The following FRAS1 variants were observed in gnomAD, a reference collection of about 807,000 sequenced individuals.
FRAS1 encodes the protein Fraser extracellular matrix complex subunit 1, also known as extracellular matrix organizing protein FRAS1.
FRAS1 carries 290 observed loss-of-function variants against 435.2 expected under a neutral mutation model. That is an observed-to-expected ratio of 0.67 (90% CI 0.61 to 0.73). The LOEUF is 0.73. Among genes scored for constraint, FRAS1 ranks in the 30% least tolerant of loss-of-function variants. The pLI, the probability that FRAS1 is intolerant of heterozygous loss-of-function variation, is 0.00. For synonymous variants in FRAS1, 1,800 were observed against 1,851.0 expected (o/e 0.97, Z 0.71); for missense variants, 4,860 against 5,001.5 (o/e 0.97, Z 0.85).
chr4:78,263,248 C>A (rs949522127), intron 6 of FRAS1, among the ~76,000 whole-genome samples: 1 of 152,204 alleles, frequency 6.6e-6, no homozygotes, highest in Admixed American at 6.5e-5. Context: ...AGCTCTCAAT[C>A]GTGTAGTTCT....
chr4:78,274,766 G>A (rs1419579192), intron 9 of FRAS1, among the ~76,000 whole-genome samples: 5 of 152,176 alleles, frequency 3.3e-5, no homozygotes, highest in Non-Finnish European at 5.9e-5. Flanking sequence ...GGTGTGGTGT[G>A]GTGCTGAAAA....
rs116398924 is a variant in FRAS1 at position 78,421,842 on chromosome 4, G to A, written c.4541-21G>A. ...TGATGAGAATTACTGTTGATGCTGA[G>A]GCCAAATCTCTTCCTCCCAGGTATC... On this transcript the variant is annotated intron_variant, in intron 33 of 73. Coordinates refer to ENST00000512123, the MANE Select transcript of FRAS1 (RefSeq NM_025074.7). 1,905 of 1,613,450 alleles carry A rather than the reference G, an allele frequency of 1.2e-3. 16 individuals carry two copies. In the African/African-American group the frequency reaches 0.022, roughly 18 times the overall value.
At chr4:78,172,053 G>T (rs1209574671) in intron 2 of FRAS1, among the ~76,000 whole-genome samples, 2 of 151,994 alleles carry the variant, frequency 1.3e-5, no homozygotes, top group African/African-American at 4.8e-5. Context: ...CTTGACTTCT[G>T]ACCTCTCATT....
At chr4:78,123,089 CTAGGAT>C (rs1345716977) in intron 2 of FRAS1, among the ~76,000 whole-genome samples, 1 of 152,140 alleles carries the variant, frequency 6.6e-6, no homozygotes, top group East Asian at 1.9e-4. Flanking sequence ...AGGTTTTCTT[CTAGGAT>C]TTTTATGGTC....
chr4:78,317,480 T>C lies in FRAS1; in HGVS notation c.1932T>C (p.Gly644=), dbSNP rs2110235336. 6.2e-7 allele frequency: 1 copy of C among 1,613,744 alleles called. No individual in the cohort carries two copies. The change falls in exon 17 of 74, where the codon GGT becomes GGC. Residue 644 remains glycine, a synonymous_variant. Coordinates refer to ENST00000512123, the MANE Select transcript of FRAS1 (RefSeq NM_025074.7). Reference sequence around the variant, plus strand: ...ACTGTCTGCCCCGCTGTGGAGAGGGTTTCTACTCTGACCATGGAGTCTGCA... The same window carrying C: ...ACTGTCTGCCCCGCTGTGGAGAGGGCTTCTACTCTGACCATGGAGTCTGCA... ...QGHCLPRCGE[G]FYSDHGVCKA...
At chr4:78,446,057 G>A in intron 42 of FRAS1, 1 of 1,163,894 alleles carries the variant, frequency 8.6e-7, no homozygotes, top group Non-Finnish European at 1.1e-6. Flanking sequence ...ATGCATATTT[G>A]CCTTTTCTTA....
At chr4:78,061,199 A>T (rs1043787663) in intron 1 of FRAS1, among the ~76,000 whole-genome samples, 1 of 152,186 alleles carries the variant, frequency 6.6e-6, no homozygotes, top group Non-Finnish European at 1.5e-5. Flanking sequence ...TTACAAGCAA[A>T]TTATTGGCAG....
intron 40 of FRAS1, 23 bp downstream of exon 40, chr4:78,439,087 A>T (rs1734552191): frequency 6.3e-7 from 1 of 1,593,928 alleles, no homozygotes; most frequent in African/African-American, 1.3e-5. Flanking sequence ...CAGATCAATA[A>T]ACAGTGAGTA....
In FRAS1 at chr4:78,511,490, A is replaced by G. The variant is rs760908091; in HGVS notation, c.9997A>G (p.Lys3333Glu). The change falls in exon 64 of 74, where the codon AAG (lysine) becomes GAG (glutamate). Residue 3333 changes from lysine (K) to glutamate (E), a missense_variant. Physicochemically the swap from Lys to Glu is moderately conservative, Grantham distance 56. Transcript: ENST00000512123. ...CTTGAAATACCTGGATGTCAAACAT[A>G]AGGAGCATCCGAACAGGTCAGGCAG... The part of the protein sequence containing the change: ...ATLKYLDVKH[K>E]EHPNRIHISV... 1.6e-5 allele frequency: 26 copies of G among 1,613,514 alleles called. No homozygotes were observed. The highest frequency in any genetic ancestry group is 2.1e-5 in the Non-Finnish European group (25 of 1,179,608).
At chr4:78,478,481 C>G (rs1719917860) in intron 55 of FRAS1, among the ~76,000 whole-genome samples, 1 of 152,126 alleles carries the variant, frequency 6.6e-6, no homozygotes, top group Admixed American at 6.5e-5. Context: ...ATGTGACAGT[C>G]ATATGTAGAG....
chr4:78,192,824 G>A (rs1212746082), intron 2 of FRAS1, among the ~76,000 whole-genome samples: 1 of 152,108 alleles, frequency 6.6e-6, no homozygotes, highest in Non-Finnish European at 1.5e-5. Context: ...GCTTTTGAAT[G>A]TGTTTGCTCT....
At chr4:78,169,208 TGA>T (rs940873072) in intron 2 of FRAS1, among the ~76,000 whole-genome samples, 29 of 152,166 alleles carry the variant, frequency 1.9e-4, no homozygotes, top group Non-Finnish European at 1.0e-4. Context: ...ACAATGTTCC[TGA>T]GGTCTGGTAG....
At chr4:78,383,632 A>G (rs1732106712) in intron 27 of FRAS1, among the ~76,000 whole-genome samples, 1 of 152,128 alleles carries the variant, frequency 6.6e-6, no homozygotes, top group Admixed American at 6.5e-5. Context: ...CACTCACATG[A>G]ATTGGGCAGG....
At chr4:78,221,334 C>G (rs115427335) in intron 2 of FRAS1, among the ~76,000 whole-genome samples, 15 of 152,042 alleles carry the variant, frequency 9.9e-5, no homozygotes, top group South Asian at 4.1e-4. Context: ...AAATACTGTA[C>G]GTACACAAAG....
intron 50 of FRAS1, among the ~76,000 whole-genome samples, chr4:78,467,314 G>A (rs1360362212): frequency 6.6e-6 from 1 of 152,052 alleles, no homozygotes; most frequent in Non-Finnish European, 1.5e-5. Context: ...ATATATAAGT[G>A]AGAACATGTG....
At chr4:78,058,818 T>G (rs919498264) in intron 1 of FRAS1, among the ~76,000 whole-genome samples, 4 of 152,192 alleles carry the variant, frequency 2.6e-5, no homozygotes, top group Non-Finnish European at 5.9e-5. Flanking sequence ...CGCCATGATA[T>G]CAAATGCAAT....
intron 14 of FRAS1, among the ~76,000 whole-genome samples, chr4:78,299,215 T>A (rs1373862465): frequency 6.6e-6 from 1 of 152,100 alleles, no homozygotes; most frequent in African/African-American, 2.4e-5. Flanking sequence ...AGCAGGAAAG[T>A]TAAGGAGAGC....
intron 2 of FRAS1, among the ~76,000 whole-genome samples, chr4:78,175,696 C>T (rs1721740755): frequency 6.6e-6 from 1 of 152,178 alleles, no homozygotes; most frequent in African/African-American, 2.4e-5. Flanking sequence ...AGAGGGTCAT[C>T]TTACAGGAAT....
At chr4:78,232,896 T>C (rs1189085644) in intron 2 of FRAS1, among the ~76,000 whole-genome samples, 1 of 152,208 alleles carries the variant, frequency 6.6e-6, no homozygotes, top group African/African-American at 2.4e-5. Context: ...TGAAGAGTCA[T>C]AGTCTGCTGG....
Sources: allele counts gnomAD v4.1 joint callset (sites outside exome capture counted in the v4.1 genomes callset), GRCh38; gene constraint gnomAD v4.1.1; transcripts MANE v1.5; gene names NCBI Gene and HGNC (gene_info 2026-07-23, HGNC 2026-07-21).